WDR72: variants seen among roughly 807,000 people sequenced by gnomAD.
WDR72 encodes the protein WD repeat-containing protein 72.
WDR72 carries 120 observed loss-of-function variants against 124.2 expected under a neutral mutation model. The observed-to-expected ratio is 0.97, with a 90% CI of 0.83 to 1.12. WDR72 has a LOEUF of 1.12. Ranked by LOEUF, WDR72 falls within the 50% of genes most tolerant of loss-of-function variation. WDR72 has a pLI of 0.00. For synonymous variants in WDR72, 452 were observed against 441.7 expected, an observed-to-expected ratio of 1.02 and a Z score of -0.29; for missense variants, 1,387 against 1,278.8, an observed-to-expected ratio of 1.08 and a Z score of -1.29.
intron 3 of WDR72, among the ~76,000 whole-genome samples, chr15:53,719,348 C>A (rs2017807081): frequency 6.6e-6 from 1 of 152,102 alleles, no homozygotes; most frequent in Non-Finnish European, 1.5e-5. Flanking sequence ...AGATATTTGT[C>A]TTATACTTTC....
intron 18 of WDR72, among the ~76,000 whole-genome samples, chr15:53,566,270 G>C (rs1231087243): frequency 1.3e-5 from 2 of 152,030 alleles, no homozygotes; most frequent in Middle Eastern, 3.4e-3. Flanking sequence ...TCAAATCCAA[G>C]CAAGTATTAC....
chr15:53,756,309 C>T (rs1017441524), intron 1 of WDR72, among the ~76,000 whole-genome samples: 6 of 152,168 alleles, frequency 3.9e-5, no homozygotes, highest in African/African-American at 1.4e-4. Context: ...AGGTGACTTC[C>T]GCCAGGATTG....
chr15:53,539,982 A>G (rs1238132142), intron 18 of WDR72, among the ~76,000 whole-genome samples: 2 of 152,226 alleles, frequency 1.3e-5, no homozygotes, highest in Non-Finnish European at 2.9e-5. Flanking sequence ...CAGTGGTCAC[A>G]ATATTATTGA....
intron 18 of WDR72, among the ~76,000 whole-genome samples, chr15:53,529,165 T>TATATATATATATATATATATATACATA (rs1555404361): frequency 1.2e-4 from 11 of 89,056 alleles, no homozygotes; most frequent in African/African-American, 5.1e-4. Context: ...TATATATATA[T>TATATATATATATATATATATATACATA]TTTTTTTTTT....
At chr15:53,621,558 T>C (rs905325928) in intron 14 of WDR72, among the ~76,000 whole-genome samples, 1 of 151,390 alleles carries the variant, frequency 6.6e-6, no homozygotes, top group Non-Finnish European at 1.5e-5. Context: ...TCAAGCATCA[T>C]ATGTTTTCAC....
intron 13 of WDR72, among the ~76,000 whole-genome samples, chr15:53,694,031 G>T (rs1366752471): frequency 2.0e-5 from 3 of 152,122 alleles, no homozygotes; most frequent in Non-Finnish European, 4.4e-5. Context: ...ATTGGTCAAA[G>T]ACTTCAGTCC....
intron 3 of WDR72, among the ~76,000 whole-genome samples, chr15:53,719,855 T>G (rs904316047): frequency 2.0e-5 from 3 of 152,200 alleles, no homozygotes; most frequent in Non-Finnish European, 2.9e-5. Flanking sequence ...CCTAGCGGCT[T>G]CCAAGTCCTG....
intron 14 of WDR72, among the ~76,000 whole-genome samples, chr15:53,631,118 T>C (rs1384189610): frequency 6.6e-6 from 1 of 152,206 alleles, no homozygotes; most frequent in Non-Finnish European, 1.5e-5. Flanking sequence ...TGGTGCCTGG[T>C]GAGAACTGAT....
At chr15:53,680,566 G>C (rs1408758835) in intron 13 of WDR72, among the ~76,000 whole-genome samples, 1 of 152,142 alleles carries the variant, frequency 6.6e-6, no homozygotes, top group South Asian at 2.1e-4. Context: ...GTTAACCTGC[G>C]GGGTAAATCA....
chr15:53,611,763 G>A (rs1331812009), intron 16 of WDR72, among the ~76,000 whole-genome samples: 2 of 151,912 alleles, frequency 1.3e-5, no homozygotes, highest in Non-Finnish European at 2.9e-5. Context: ...CGGTAAAACA[G>A]AGATGCTGCC....
chr15:53,666,859 T>C (rs2015796978), intron 13 of WDR72, among the ~76,000 whole-genome samples: 1 of 152,218 alleles, frequency 6.6e-6, no homozygotes, highest in Non-Finnish European at 1.5e-5. Flanking sequence ...CCTTCTTTTA[T>C]TACAACTAAA....
At chr15:53,660,796 T>C (rs1425781938) in intron 14 of WDR72, among the ~76,000 whole-genome samples, 1 of 152,186 alleles carries the variant, frequency 6.6e-6, no homozygotes, top group Non-Finnish European at 1.5e-5. Flanking sequence ...CAAACACATA[T>C]GAGTTCCCGG....
At chr15:53,644,768 G>A (rs1411258726) in intron 14 of WDR72, among the ~76,000 whole-genome samples, 1 of 152,060 alleles carries the variant, frequency 6.6e-6, no homozygotes, top group African/African-American at 2.4e-5. Flanking sequence ...AGAGCAGCAT[G>A]ATTGGCAGGG....
At chr15:53,519,827 A>T (rs996990887) in intron 19 of WDR72, among the ~76,000 whole-genome samples, 1 of 152,074 alleles carries the variant, frequency 6.6e-6, no homozygotes, top group African/African-American at 2.4e-5. Flanking sequence ...TGTGACCTAT[A>T]TGCAGACTGC....
At chr15:53,755,468 A>G (rs1463688359) in intron 1 of WDR72, among the ~76,000 whole-genome samples, 1 of 152,262 alleles carries the variant, frequency 6.6e-6, no homozygotes, top group Non-Finnish European at 1.5e-5. Context: ...TAGATTCTCA[A>G]AAGCGGGCAT....
intron 13 of WDR72, among the ~76,000 whole-genome samples, chr15:53,678,430 G>T (rs965679800): frequency 2.6e-5 from 4 of 152,146 alleles, no homozygotes; most frequent in African/African-American, 9.7e-5. Context: ...AGTAGTCTTT[G>T]GTGGGCTCTT....
chr15:53,650,901 T>C (rs942341464), intron 14 of WDR72, among the ~76,000 whole-genome samples: 1 of 149,748 alleles, frequency 6.7e-6, no homozygotes, highest in East Asian at 1.9e-4. Flanking sequence ...CAGTTTTTTT[T>C]TTTTTTTTTT....
intron 13 of WDR72, among the ~76,000 whole-genome samples, chr15:53,692,463 C>A (rs2016874964): frequency 6.6e-6 from 1 of 152,106 alleles, no homozygotes; most frequent in Non-Finnish European, 1.5e-5. Flanking sequence ...GTTTATTCAG[C>A]CCTCGCTGCC....
At chr15:53,684,598 G>C (rs2016537839) in intron 13 of WDR72, 1 of 157,860 alleles carries the variant, frequency 6.3e-6, no homozygotes, top group Admixed American at 6.5e-5. Context: ...ACAGCAGTCT[G>C]AGATCAAACT....
Sources: gnomAD v4.1 joint callset for allele counts (sites outside exome capture counted in the v4.1 genomes callset) on GRCh38, gnomAD v4.1.1 for gene constraint, MANE v1.5 for transcripts, NCBI Gene and HGNC (gene_info 2026-07-23, HGNC 2026-07-21) for gene names.